The following TNRC18 variants were observed in gnomAD, a reference collection of about 807,000 sequenced individuals.
TNRC18 encodes trinucleotide repeat-containing gene 18 protein.
In TNRC18, 69 loss-of-function variants were observed where a neutral mutation model predicts 226.7. The observed-to-expected ratio is 0.30, with a 90% confidence interval of 0.25 to 0.37. TNRC18 has a LOEUF of 0.37. Among genes scored for constraint, TNRC18 ranks in the 10% least tolerant of loss-of-function variants. The pLI, the probability that TNRC18 is intolerant of heterozygous loss-of-function variation, is 1.00. For missense variants in TNRC18, 4,754 were observed against 4,256.6 expected (o/e 1.12, Z -3.25); for synonymous variants, 2,449 against 1,927.6 (o/e 1.27, Z -7.09).
At chr7:5,418,102 T>G (rs1782303708) in intron 2 of TNRC18, among the ~76,000 whole-genome samples, 1 of 152,104 alleles carries the variant, frequency 6.6e-6, no homozygotes, top group African/African-American at 2.4e-5. Flanking sequence ...GCAGGGAGAA[T>G]AAACATCCAA....
chr7:5,422,435 C>T (rs1276249700), intron 1 of TNRC18, among the ~76,000 whole-genome samples: 1 of 151,850 alleles, frequency 6.6e-6, no homozygotes, highest in Non-Finnish European at 1.5e-5. Flanking sequence ...CCTGTAGTTC[C>T]AGGTTAAAGC....
chr7:5,324,890 C>T lies in TNRC18; in HGVS notation c.6300+206G>A, dbSNP rs1218344891. ...TGTCCCTCGCCCCCGCTAGAGCAGA[C>T]ATTTCCTGAGGACAGGAGCAGAGTC... On this transcript the variant is annotated intron_variant, in intron 20 of 29. Coordinates refer to ENST00000430969, the MANE Select transcript of TNRC18 (RefSeq NM_001080495.3). This position sits in a 1 kb window ranked among gnomAD's most constrained non-coding sequence, Gnocchi z 4.8. Among the ~76,000 whole-genome samples, 4 of 152,316 alleles carry T rather than the reference C, an allele frequency of 2.6e-5. No homozygotes were observed. Among genetic ancestry groups the T allele is most frequent in the South Asian group, 2.1e-4 (1 of 4,834 alleles).
rs932077658 is a variant in TNRC18 at position 5,423,809 on chromosome 7, C to A, written c.-612G>T. Among the ~76,000 whole-genome samples, 2 of 151,228 alleles carry A rather than the reference C, an allele frequency of 1.3e-5. No individual in the cohort carries two copies. The highest frequency in any genetic ancestry group is 4.9e-5 in the African/African-American group (2 of 41,198). ...TGGAAAAGGTACATTACACAACCCC[C>A]CTTTCAAGTTCCTCTCGCAGGATCT... On this transcript the variant is annotated 5_prime_UTR_variant, in exon 1 of 30. Coordinates refer to ENST00000430969, the MANE Select transcript of TNRC18 (RefSeq NM_001080495.3).
chr7:5,361,947 G>A lies in TNRC18; in HGVS notation c.4482C>T (p.Tyr1494=), dbSNP rs1793102284. 3 of 1,610,146 alleles carry A rather than the reference G, an allele frequency of 1.9e-6. No individual in the cohort carries two copies. The highest frequency in any genetic ancestry group is 1.1e-5 in the South Asian group (1 of 90,502). ...TCACCAGCTCACGCTGCTTCTCCTT[G>A]TACTGGCGCTGCACCTCGGCCAGCC... ...RMRLAEVQRQ[Y]KEKQRELVKL... The change falls in exon 13 of 30, where the codon TAC becomes TAT. Residue 1494 remains tyrosine (Y), a synonymous_variant. Transcript: ENST00000430969.
chr7:5,349,261 G>A (rs986500579), intron 17 of TNRC18, among the ~76,000 whole-genome samples: 9 of 152,174 alleles, frequency 5.9e-5, no homozygotes, highest in Admixed American at 5.2e-4. Context: ...CCCCGCTAGC[G>A]TCCGCAGCAG....
rs1301327526 is a variant in TNRC18 at position 5,388,197 on chromosome 7, C to T, written c.1627G>A (p.Ala543Thr). 8 of 1,591,042 alleles carry T rather than the reference C, an allele frequency of 5.0e-6. No homozygotes were observed. The highest frequency in any genetic ancestry group is 1.8e-5 in the Admixed American group (1 of 57,030). ...SRAEEEAAVV[A>T]ASSSKKAYLD... ...TAGGCCTTCTTGGAGGAGGAGGCAG[C>T]GACCACGGCGGCCTCCTCTTCGGCG... Residue 543 changes from alanine (A) to threonine (T), a missense_variant, in exon 5 of 30, where the codon GCT becomes ACT. Transcript: ENST00000430969.
chr7:5,307,827 A>C lies in TNRC18; in HGVS notation c.*279T>G. On this transcript the variant is annotated 3_prime_UTR_variant, in exon 30 of 30. Coordinates refer to ENST00000430969, the MANE Select transcript of TNRC18 (RefSeq NM_001080495.3). ...GCCAAGTGCTTGCAACGTGCTGGGC[A>C]GGAAGGGCCGGTCCGGCCATACCCT... 2.0e-6 allele frequency: 1 copy of C among 492,610 alleles called. No homozygotes were observed. The allele number at this position is 492,610 out of a possible 1,614,324, so 30.5% of individuals were successfully genotyped here.
At chr7:5,420,828 G>A (rs1488981858) in intron 2 of TNRC18, 2 of 707,656 alleles carry the variant, frequency 2.8e-6, no homozygotes, top group Non-Finnish European at 5.1e-6. Flanking sequence ...ACCGGCTTTC[G>A]GCTCACGAGG....
rs766263592 is a variant in TNRC18, at chr7:5,308,909, A to G, written c.8666T>C (p.Leu2889Pro). The change falls in exon 29 of 30, where the codon CTG becomes CCG. Residue 2889 changes from leucine (L) to proline (P), a missense_variant. Leu to Pro is a moderately conservative substitution (Grantham distance 98, BLOSUM62 -3). Transcript: ENST00000430969. ...QKSSRSLPAA[L>P]RVSSQRKDFM... ...GTCCTTCCTCTGGCTGGAGACCCGC[A>G]GGGCCGCCGGGAGGCTGCGGCTGGA... The G allele has an allele frequency of 2.2e-6, 3 of 1,347,390 alleles. No individual in the cohort carries two copies. Among genetic ancestry groups the G allele is most frequent in the East Asian group, 9.5e-5 (2 of 21,080 alleles). 83.5% of individuals were successfully genotyped at this position (1,347,390 alleles called of 1,614,324 possible).
At chr7:5,402,853 C>CA (rs879577344) in intron 2 of TNRC18, among the ~76,000 whole-genome samples, 89 of 131,102 alleles carry the variant, frequency 6.8e-4, no homozygotes, top group Middle Eastern at 3.6e-3. Context: ...GACTCTGTCT[C>CA]AAAAAAAAAA....
chr7:5,403,782 C>T (rs1017075773), intron 2 of TNRC18, among the ~76,000 whole-genome samples: 1 of 150,260 alleles, frequency 6.7e-6, no homozygotes, highest in Admixed American at 6.6e-5. Flanking sequence ...AGAGTGAGAC[C>T]CTGTCTGTTT....
intron 3 of TNRC18, among the ~76,000 whole-genome samples, chr7:5,392,644 CCAA>C (rs1184761603): frequency 6.6e-6 from 1 of 151,778 alleles, no homozygotes; most frequent in Non-Finnish European, 1.5e-5. Context: ...TAAAATACAA[CCAA>C]CAATAAAAAA....
At chr7:5,337,173 T>C (rs1790200245) in intron 18 of TNRC18, among the ~76,000 whole-genome samples, 1 of 151,960 alleles carries the variant, frequency 6.6e-6, no homozygotes, top group Admixed American at 6.6e-5. Context: ...GTCTGATTAA[T>C]GGCGAACTTC....
At chr7:5,355,900 T>C (rs865842853) in intron 16 of TNRC18, among the ~76,000 whole-genome samples, 54 of 151,834 alleles carry the variant, frequency 3.6e-4, no homozygotes, top group African/African-American at 1.3e-3. Flanking sequence ...GCACAGTAGC[T>C]CACGCCCATA....
intron 16 of TNRC18, among the ~76,000 whole-genome samples, chr7:5,353,160 G>T (rs1462519849): frequency 2.6e-5 from 4 of 152,166 alleles, no homozygotes; most frequent in African/African-American, 7.2e-5. Context: ...GCTCTCTCTT[G>T]TATGCTCCAA....
At chr7:5,349,693 T>C (rs1252586854) in intron 17 of TNRC18, among the ~76,000 whole-genome samples, 2 of 152,174 alleles carry the variant, frequency 1.3e-5, no homozygotes, top group Non-Finnish European at 1.5e-5. Flanking sequence ...GAGTGCAGCG[T>C]GAGAGCAAAT....
chr7:5,319,935 G>A (rs1377788563), intron 24 of TNRC18, among the ~76,000 whole-genome samples: 1 of 152,186 alleles, frequency 6.6e-6, no homozygotes, highest in Non-Finnish European at 1.5e-5. Flanking sequence ...TCTGACCCAG[G>A]CCCGGTCGAT....
chr7:5,339,229 C>CTTTTTTTTTTTTTTTTTT (rs199794938), intron 18 of TNRC18, among the ~76,000 whole-genome samples: 8 of 142,584 alleles, frequency 5.6e-5, no homozygotes, highest in Non-Finnish European at 4.6e-5. Context: ...CTTTTTTTTT[C>CTTTTTTTTTTTTTTTTTT]TTTTTTTTTT....
chr7:5,361,817 C>T (rs1793080676), intron 13 of TNRC18, 80 bp downstream of exon 13: 2 of 1,516,628 alleles, frequency 1.3e-6, no homozygotes, highest in South Asian at 2.5e-5. Context: ...GGTCCACGCA[C>T]ACCTCGACGG....
Sources: gnomAD v4.1 joint callset for allele counts (sites outside exome capture counted in the v4.1 genomes callset) on GRCh38, gnomAD v4.1.1 for gene constraint, Gnocchi (gnomAD v3.1) non-coding constraint, MANE v1.5 for transcripts, NCBI Gene and HGNC (gene_info 2026-07-23, HGNC 2026-07-21) for gene names.